CHRM3: variants seen among roughly 807,000 people sequenced by gnomAD.
CHRM3 encodes muscarinic acetylcholine receptor M3.
A neutral mutation model predicts 41.8 loss-of-function variants in CHRM3; 11 were observed. The ratio of observed to expected loss-of-function variants is 0.26; its 90% CI spans 0.17 to 0.44. The LOEUF is 0.44. Among genes scored for constraint, CHRM3 ranks in the 20% least tolerant of loss-of-function variants. The pLI, the probability that CHRM3 is intolerant of heterozygous loss-of-function variation, is 1.00. For missense variants in CHRM3, 571 were observed against 745.4 expected (o/e 0.77, Z 2.72); for synonymous variants, 297 against 301.4 (o/e 0.99, Z 0.15).
At chr1:239,881,429 G>A (rs1019961823) in intron 6 of CHRM3, among the ~76,000 whole-genome samples, 5 of 151,946 alleles carry the variant, frequency 3.3e-5, no homozygotes, top group African/African-American at 1.2e-4. Context: ...GAAATAAATT[G>A]GGAAAGAAGA....
At chr1:239,472,255 A>C (rs1325958955) in intron 1 of CHRM3, among the ~76,000 whole-genome samples, 3 of 152,152 alleles carry the variant, frequency 2.0e-5, no homozygotes, top group African/African-American at 7.2e-5. Flanking sequence ...AAGTATAGGT[A>C]CTGAGAAGTT....
chr1:239,674,696 TGA>T (rs147999206), intron 4 of CHRM3, among the ~76,000 whole-genome samples: 5,259 of 128,458 alleles, frequency 0.041, 150 homozygotes, highest in Middle Eastern at 0.13. Flanking sequence ...AGCGACAGAC[TGA>T]GACTCCATCT....
chr1:239,411,868 C>T (rs1361745417), intron 1 of CHRM3, among the ~76,000 whole-genome samples: 1 of 151,650 alleles, frequency 6.6e-6, no homozygotes. Context: ...GTGCACGATC[C>T]CCAATTTCTA....
chr1:239,491,165 C>T (rs1486538662), intron 1 of CHRM3, among the ~76,000 whole-genome samples: 2 of 152,200 alleles, frequency 1.3e-5, no homozygotes, highest in African/African-American at 2.4e-5. Context: ...ATTTCCATCA[C>T]ATCAGACATT....
chr1:239,651,766 C>A (rs1299770491), intron 4 of CHRM3, among the ~76,000 whole-genome samples: 2 of 152,114 alleles, frequency 1.3e-5, no homozygotes, highest in Non-Finnish European at 2.9e-5. Flanking sequence ...GACAAGTTTT[C>A]CTCTGCTTAG....
intron 3 of CHRM3, among the ~76,000 whole-genome samples, chr1:239,573,783 T>C (rs769630189): frequency 1.3e-5 from 2 of 152,156 alleles, no homozygotes; most frequent in Non-Finnish European, 2.9e-5. Flanking sequence ...TATAGTATAA[T>C]TATGCATATA....
intron 5 of CHRM3, among the ~76,000 whole-genome samples, chr1:239,793,472 T>A (rs914655254): frequency 1.3e-5 from 2 of 152,200 alleles, no homozygotes; most frequent in African/African-American, 4.8e-5. Flanking sequence ...AGGGACTTTT[T>A]AAAAACTGAT....
chr1:239,668,691 T>C (rs1403024511), intron 4 of CHRM3, among the ~76,000 whole-genome samples: 1 of 152,186 alleles, frequency 6.6e-6, no homozygotes, highest in Non-Finnish European at 1.5e-5. Context: ...AGGTTAACAT[T>C]AAAAATAACT....
intron 5 of CHRM3, among the ~76,000 whole-genome samples, chr1:239,740,780 C>A (rs1284469798): frequency 2.0e-5 from 3 of 152,050 alleles, no homozygotes; most frequent in Non-Finnish European, 4.4e-5. Flanking sequence ...CATTTCACAC[C>A]AGTTAGAAGG....
At position 239,762,288 on chromosome 1, in the gene CHRM3, C is replaced by T. The variant is rs549516436; in HGVS notation, c.-146-64964C>T. On this transcript the variant is annotated intron_variant, in intron 5 of 6. Transcript: ENST00000676153. ...GATTGTGACTTCATCTGCAGTTTTG[C>T]GGTTTTTTACTTTCTCTAGCATCAT... Among the ~76,000 whole-genome samples, 9 of 152,066 alleles carry T rather than the reference C, an allele frequency of 5.9e-5. No individual in the cohort carries two copies. In the South Asian group the frequency reaches 6.2e-4, roughly 11 times the overall value.
At chr1:239,719,805 A>G (rs1277537793) in intron 5 of CHRM3, among the ~76,000 whole-genome samples, 1 of 151,964 alleles carries the variant, frequency 6.6e-6, no homozygotes, top group African/African-American at 2.4e-5. Context: ...ACAACTGAAC[A>G]TTCAGATGAA....
intron 3 of CHRM3, among the ~76,000 whole-genome samples, chr1:239,582,935 T>C (rs1189451230): frequency 6.6e-6 from 1 of 152,186 alleles, no homozygotes; most frequent in Non-Finnish European, 1.5e-5. Context: ...TCCAGAGTCA[T>C]AGAAGCTACT....
intron 6 of CHRM3, among the ~76,000 whole-genome samples, chr1:239,845,609 G>A (rs1026692109): frequency 8.5e-5 from 13 of 152,178 alleles, no homozygotes; most frequent in Non-Finnish European, 1.9e-4. Flanking sequence ...TGCCAGCTTT[G>A]AGAATATTTG....
chr1:239,838,802 T>C (rs1428796353), intron 6 of CHRM3, among the ~76,000 whole-genome samples: 1 of 152,220 alleles, frequency 6.6e-6, no homozygotes, highest in African/African-American at 2.4e-5. Context: ...AACATTAGAA[T>C]AGGTAAGGAA....
chr1:239,565,529 T>G (rs919334256), intron 3 of CHRM3, among the ~76,000 whole-genome samples: 5 of 152,182 alleles, frequency 3.3e-5, no homozygotes, highest in African/African-American at 1.2e-4. Context: ...CTGTGCTAAT[T>G]AAACGTAGGA....
intron 6 of CHRM3, among the ~76,000 whole-genome samples, chr1:239,849,948 C>A (rs1674570588): frequency 6.6e-6 from 1 of 152,076 alleles, no homozygotes; most frequent in South Asian, 2.1e-4. Flanking sequence ...GTATCTGCTC[C>A]CTTTGTTATA....
intron 6 of CHRM3, among the ~76,000 whole-genome samples, chr1:239,839,281 A>G (rs1172369216): frequency 6.6e-6 from 1 of 152,234 alleles, no homozygotes; most frequent in Non-Finnish European, 1.5e-5. Flanking sequence ...CTATATCATC[A>G]TTGAAGATAA....
chr1:239,613,538 A>G (rs1215569308), intron 3 of CHRM3, among the ~76,000 whole-genome samples: 1 of 152,246 alleles, frequency 6.6e-6, no homozygotes, highest in Non-Finnish European at 1.5e-5. Flanking sequence ...TCCCAGACAC[A>G]CAGACAAAAA....
chr1:239,558,766 G>C (rs1186480050), intron 3 of CHRM3, among the ~76,000 whole-genome samples: 1 of 152,082 alleles, frequency 6.6e-6, no homozygotes, highest in Non-Finnish European at 1.5e-5. Flanking sequence ...CAGGTCAAAA[G>C]TTTTTGCCTT....
Sources: gnomAD v4.1 joint callset for allele counts (sites outside exome capture counted in the v4.1 genomes callset) on GRCh38, gnomAD v4.1.1 for gene constraint, MANE v1.5 for transcripts, NCBI Gene and HGNC (gene_info 2026-07-23, HGNC 2026-07-21) for gene names.